SHISA9: variants seen among roughly 807,000 people sequenced by gnomAD.
The protein encoded by SHISA9 is protein shisa-9.
SHISA9 carries 13 observed loss-of-function variants against 38.0 expected under a neutral mutation model. The observed-to-expected ratio is 0.34, with a 90% CI of 0.22 to 0.54. SHISA9 has a LOEUF of 0.54. Among genes scored for constraint, SHISA9 ranks in the 20% least tolerant of loss-of-function variants. SHISA9 has a pLI of 0.91. For synonymous variants in SHISA9, 275 were observed against 242.0 expected (o/e 1.14, Z -1.27); for missense variants, 538 against 575.8 (o/e 0.93, Z 0.67).
intron 1 of SHISA9, among the ~76,000 whole-genome samples, chr16:12,912,840 C>T (rs1046116926): frequency 2.6e-5 from 4 of 152,130 alleles, no homozygotes; most frequent in Non-Finnish European, 4.4e-5. Context: ...GCTCGTTGGC[C>T]CTCTTCCAGT....
chr16:13,232,594 C>T (rs2051342243), intron 4 of SHISA9, among the ~76,000 whole-genome samples: 1 of 152,120 alleles, frequency 6.6e-6, no homozygotes, highest in Admixed American at 6.6e-5. Context: ...GGCTGGTCTG[C>T]AGCTTGGTTT....
Position 13,236,523 on chromosome 16 carries a change from C to T in SHISA9, c.*1114C>T, listed in dbSNP as rs1281704134. On this transcript the variant is annotated 3_prime_UTR_variant, in exon 5 of 5. Transcript: ENST00000558583. The stretch of plus-strand genomic sequence containing the variant: ...TGCCGCCGCCGCTGCCAAACTTCAA[C>T]TGCTTTGGACTGAAAATGTCATAAG... 2 of 152,338 alleles carry T rather than the reference C, an allele frequency of 1.3e-5. No individual in the cohort carries two copies. The highest frequency in any genetic ancestry group is 2.9e-5 in the Non-Finnish European group (2 of 68,076). 9.4% of individuals were successfully genotyped at this position (152,338 alleles called of 1,614,324 possible). A position where few individuals can be genotyped will look rare whatever the true frequency, so the allele number is the denominator to read the frequency against.
the SHISA9 span, among the ~76,000 whole-genome samples, chr16:13,476,888 A>C: frequency 6.6e-6 from 1 of 151,604 alleles, no homozygotes; most frequent in Non-Finnish European, 1.5e-5. Context: ...AGCTGGGACT[A>C]CAGGCGCCCA....
chr16:13,148,951 C>A (rs1456519779), intron 2 of SHISA9, among the ~76,000 whole-genome samples: 1 of 152,134 alleles, frequency 6.6e-6, no homozygotes, highest in Non-Finnish European at 1.5e-5. Context: ...TATGTAACTC[C>A]AACAGCTCTG....
At chr16:13,005,241 G>T (rs969028249) in intron 2 of SHISA9, among the ~76,000 whole-genome samples, 2 of 152,124 alleles carry the variant, frequency 1.3e-5, no homozygotes, top group Non-Finnish European at 2.9e-5. Context: ...GTCAGTGTTG[G>T]ATATATGAGT....
At chr16:13,028,577 C>G (rs973683053) in intron 2 of SHISA9, among the ~76,000 whole-genome samples, 3 of 152,098 alleles carry the variant, frequency 2.0e-5, no homozygotes, top group African/African-American at 7.2e-5. Flanking sequence ...GGGGAAACTG[C>G]CTCCATGATT....
the SHISA9 span, among the ~76,000 whole-genome samples, chr16:13,516,899 G>A: frequency 6.6e-6 from 1 of 152,088 alleles, no homozygotes; most frequent in Non-Finnish European, 1.5e-5. Flanking sequence ...CACAGTATGT[G>A]TGAGTTTCAA....
In SHISA9 at chr16:13,062,655, G is replaced by A. The variant is rs991110665; in HGVS notation, c.692-140739G>A. Reference sequence around the variant, plus strand: ...TCAGAGGAGTTTCCTGGAGTAGGGGGAGGGGAGTATTACTTATTTTTTCCT... The same window carrying A: ...TCAGAGGAGTTTCCTGGAGTAGGGGAAGGGGAGTATTACTTATTTTTTCCT... On this transcript the variant is annotated intron_variant, in intron 2 of 4. Transcript: ENST00000558583. Among the ~76,000 whole-genome samples the A allele has an allele frequency of 5.9e-5, 9 of 152,272 alleles. No homozygotes were observed. The East Asian group carries it at 1.7e-3, about 29-fold the overall frequency.
chr16:13,398,306 G>T, the SHISA9 span, among the ~76,000 whole-genome samples: 3 of 152,116 alleles, frequency 2.0e-5, no homozygotes, highest in African/African-American at 7.2e-5. Context: ...AGCACTTCCC[G>T]GTCCCCCTTC....
the SHISA9 span, among the ~76,000 whole-genome samples, chr16:13,461,876 G>T: frequency 2.6e-5 from 4 of 151,960 alleles, no homozygotes; most frequent in African/African-American, 9.7e-5. Flanking sequence ...GCCTCCCAAA[G>T]TGCTGGGATT....
At chr16:13,107,468 AACAGACACACAC>A (rs1251712503) in intron 2 of SHISA9, among the ~76,000 whole-genome samples, 1,913 of 97,982 alleles carry the variant, frequency 0.02, 39 homozygotes, top group African/African-American at 0.072. Flanking sequence ...ACAAAAAAAC[AACAGACACACAC>A]ACACACACAC....
intron 2 of SHISA9, among the ~76,000 whole-genome samples, chr16:13,190,726 C>T (rs1006504049): frequency 6.6e-6 from 1 of 152,148 alleles, no homozygotes; most frequent in African/African-American, 2.4e-5. Flanking sequence ...GAATCTCTGT[C>T]CCCCAGAGCC....
the SHISA9 span, among the ~76,000 whole-genome samples, chr16:13,366,982 C>CAAAA: frequency 1.1e-5 from 1 of 92,504 alleles, no homozygotes. Context: ...GGCTCCATCT[C>CAAAA]AAAAAAAAAA....
chr16:13,065,328 A>T (rs914418093), intron 2 of SHISA9, among the ~76,000 whole-genome samples: 1 of 151,862 alleles, frequency 6.6e-6, no homozygotes, highest in African/African-American at 2.4e-5. Context: ...CCTTACCCCT[A>T]TGTGAGGTGC....
At chr16:13,189,143 A>G (rs556525642) in intron 2 of SHISA9, among the ~76,000 whole-genome samples, 2 of 152,306 alleles carry the variant, frequency 1.3e-5, no homozygotes, top group African/African-American at 4.8e-5. Context: ...GTGAGATTAT[A>G]GATATATTTC....
At chr16:12,945,892 T>C (rs2071682790) in intron 2 of SHISA9, among the ~76,000 whole-genome samples, 1 of 152,172 alleles carries the variant, frequency 6.6e-6, no homozygotes, top group African/African-American at 2.4e-5. Flanking sequence ...GACAGGTGGA[T>C]CACTTGAGGA....
At chr16:13,071,205 A>T (rs4781395) in intron 2 of SHISA9, among the ~76,000 whole-genome samples, 10,107 of 152,092 alleles carry the variant, frequency 0.066, 490 homozygotes, top group Admixed American at 0.14. Flanking sequence ...TTTACAATTT[A>T]AAAAAAAGGA....
intron 2 of SHISA9, among the ~76,000 whole-genome samples, chr16:13,130,296 C>G (rs2050295630): frequency 6.6e-6 from 1 of 152,132 alleles, no homozygotes; most frequent in Non-Finnish European, 1.5e-5. Flanking sequence ...TCATATTATT[C>G]TCAGGGAAGA....
intron 2 of SHISA9, among the ~76,000 whole-genome samples, chr16:13,192,154 A>G (rs4781425): frequency 0.21 from 31,480 of 151,996 alleles, 3,554 homozygotes; most frequent in East Asian, 0.37. Context: ...GTTCTCACTT[A>G]TGGATGGGAG....
Sources: allele counts gnomAD v4.1 joint callset (sites outside exome capture counted in the v4.1 genomes callset), GRCh38; gene constraint gnomAD v4.1.1; transcripts MANE v1.5; gene names NCBI Gene and HGNC (gene_info 2026-07-23, HGNC 2026-07-21).